SCN11A: variants seen among roughly 807,000 people sequenced by gnomAD.
SCN11A encodes the protein sodium channel protein type 11 subunit alpha.
Under a neutral mutation model 162.2 loss-of-function variants are expected in SCN11A, and 122 were observed. That is an observed-to-expected ratio of 0.75 (90% CI 0.65 to 0.87). SCN11A has a LOEUF of 0.87. Ranked by LOEUF, SCN11A falls within the 40% of genes least tolerant of loss-of-function variation. SCN11A has a pLI of 0.00. For missense variants in SCN11A, 2,015 were observed against 2,181.6 expected (o/e 0.92, Z 1.52); for synonymous variants, 758 against 751.5 (o/e 1.01, Z -0.14).
In SCN11A at chr3:38,847,057, G is replaced by C; in HGVS notation, c.5013C>G (p.Asp1671Glu). 6.2e-7 allele frequency: 1 copy of C among 1,614,120 alleles called. No homozygotes were observed. Among genetic ancestry groups the C allele is most frequent in the African/African-American group, 1.3e-5 (1 of 75,020 alleles). The change falls in exon 30 of 30, where the codon GAC becomes GAG. Residue 1671 changes from aspartate to glutamate, a missense_variant. Physicochemically the swap from Asp to Glu is conservative, Grantham distance 45. Transcript: ENST00000302328. Reference sequence around the variant, plus strand: ...GGCGATCTTCACTCACCATGGGCAAGTCCATTACTAGAAATTGATATTTAT... The same window carrying C: ...GGCGATCTTCACTCACCATGGGCAACTCCATTACTAGAAATTGATATTTAT... ...KPNKYQFLVM[D>E]LPMVSEDRLH... is the part of the protein sequence containing the mutation.
chr3:38,919,101 A>C (rs2125546417), intron 11 of SCN11A, among the ~76,000 whole-genome samples: 1 of 152,344 alleles, frequency 6.6e-6, no homozygotes, highest in South Asian at 2.1e-4. Context: ...AAGGCACTGT[A>C]AAAATATAGT....
At chr3:38,924,158 A>G (rs753638468) in intron 9 of SCN11A, among the ~76,000 whole-genome samples, 4 of 151,276 alleles carry the variant, frequency 2.6e-5, no homozygotes, top group East Asian at 1.9e-4. Flanking sequence ...TCCATTCTCC[A>G]CACAACAGCT....
intron 7 of SCN11A, among the ~76,000 whole-genome samples, chr3:38,944,326 A>C (rs1028683199): frequency 6.6e-6 from 1 of 151,864 alleles, no homozygotes; most frequent in Admixed American, 6.6e-5. Context: ...TTTTATCTAG[A>C]AAATCCATTT....
intron 1 of SCN11A, among the ~76,000 whole-genome samples, chr3:39,043,483 C>CAAAA (rs34032181): frequency 9.5e-6 from 1 of 105,298 alleles, no homozygotes. Flanking sequence ...ACTATACAGC[C>CAAAA]AAAAAAAAAA....
chr3:38,955,146 G>A lies in SCN11A; in HGVS notation c.-138-1387C>T, dbSNP rs2066666500. 3.9e-5 allele frequency among the ~76,000 whole-genome samples: 6 copies of A among 152,176 alleles called. 1 individual carries two copies. The South Asian group carries it at 1.2e-3, about 32-fold the overall frequency. On this transcript the variant is annotated intron_variant, in intron 3 of 29. Coordinates refer to ENST00000302328, the MANE Select transcript of SCN11A (RefSeq NM_001349253.2). ...TCTACTAAAAATGAAAAATTAGCTA[G>A]GTGTGGTGGCGTGTGCCTGTAATCC...
intron 7 of SCN11A, among the ~76,000 whole-genome samples, chr3:38,932,369 G>A (rs2066254777): frequency 6.6e-6 from 1 of 152,208 alleles, no homozygotes; most frequent in African/African-American, 2.4e-5. Context: ...GACAGTGGAT[G>A]CAGGACAGTG....
intron 1 of SCN11A, among the ~76,000 whole-genome samples, chr3:39,043,182 ATGT>A (rs1378446827): frequency 6.6e-6 from 1 of 152,128 alleles, no homozygotes; most frequent in African/African-American, 2.4e-5. Flanking sequence ...GTTGGCGAGG[ATGT>A]GGAGAAAGGA....
At position 39,032,375 on chromosome 3, in the gene SCN11A, C is replaced by G. The variant is rs1169296135; in HGVS notation, c.-280+5G>C. On this transcript the variant is annotated splice_donor_5th_base_variant and intron_variant, in intron 2 of 29. Coordinates refer to ENST00000302328, the MANE Select transcript of SCN11A (RefSeq NM_001349253.2). ...TGAACAAACAAAAAATATGAAAACA[C>G]TCACCGCTCCCCTCTGGTAAACAAG... Among the ~76,000 whole-genome samples the G allele has an allele frequency of 1.3e-5, 2 of 152,018 alleles. No individual in the cohort carries two copies. Among genetic ancestry groups the G allele is most frequent in the Non-Finnish European group, 2.9e-5 (2 of 68,008 alleles).
At chr3:38,875,941 C>T (rs984826082) in intron 23 of SCN11A, among the ~76,000 whole-genome samples, 2 of 152,086 alleles carry the variant, frequency 1.3e-5, no homozygotes, top group Admixed American at 6.6e-5. Context: ...GGAGACATCA[C>T]ATTTTCAGAC....
chr3:38,881,256 G>A (rs1310000679), intron 22 of SCN11A, among the ~76,000 whole-genome samples: 1 of 152,124 alleles, frequency 6.6e-6, no homozygotes, highest in Non-Finnish European at 1.5e-5. Context: ...TCCCTGAGTA[G>A]ACCACTTAAT....
At chr3:38,930,303 A>G (rs1330180524) in intron 7 of SCN11A, among the ~76,000 whole-genome samples, 2 of 152,234 alleles carry the variant, frequency 1.3e-5, no homozygotes, top group African/African-American at 2.4e-5. Flanking sequence ...TGAGGCTGCT[A>G]CAGGCAAGAG....
At chr3:38,991,141 TA>T (rs1169908505) in intron 2 of SCN11A, among the ~76,000 whole-genome samples, 3 of 152,238 alleles carry the variant, frequency 2.0e-5, no homozygotes, top group Admixed American at 1.3e-4. Flanking sequence ...TTATACTTTC[TA>T]AAAGTTAGAA....
At chr3:38,887,475 T>C (rs1324349397) in intron 19 of SCN11A, among the ~76,000 whole-genome samples, 2 of 147,630 alleles carry the variant, frequency 1.4e-5, no homozygotes, top group Non-Finnish European at 3.0e-5. Flanking sequence ...TTAGGAGATA[T>C]ACCTAATGCT....
At chr3:38,852,586 C>T (rs1161146815) in intron 28 of SCN11A, among the ~76,000 whole-genome samples, 1 of 152,142 alleles carries the variant, frequency 6.6e-6, no homozygotes, top group South Asian at 2.1e-4. Flanking sequence ...ATGAAGCCAC[C>T]CTGTGAAGAT....
intron 2 of SCN11A, among the ~76,000 whole-genome samples, chr3:39,006,787 G>A (rs572776244): frequency 6.6e-6 from 1 of 152,202 alleles, no homozygotes; most frequent in South Asian, 2.1e-4. Context: ...GGGTGACAGA[G>A]TGAGACCCTG....
At chr3:38,981,579 C>T (rs1302841601) in intron 2 of SCN11A, among the ~76,000 whole-genome samples, 1 of 146,720 alleles carries the variant, frequency 6.8e-6, no homozygotes, top group African/African-American at 2.6e-5. Context: ...ATTCCTCATC[C>T]GTGGTCTCAG....
intron 11 of SCN11A, among the ~76,000 whole-genome samples, chr3:38,911,380 C>T (rs1005232473): frequency 6.6e-6 from 1 of 152,148 alleles, no homozygotes; most frequent in African/African-American, 2.4e-5. Context: ...ATTAAGAATT[C>T]TTATGCCAGT....
At chr3:38,934,938 C>T (rs1178680884) in intron 7 of SCN11A, among the ~76,000 whole-genome samples, 44 of 151,230 alleles carry the variant, frequency 2.9e-4, no homozygotes, top group Admixed American at 1.4e-3. Flanking sequence ...TTTTTCAGCA[C>T]CACACCACAC....
chr3:39,029,840 TG>T (rs2031700241), intron 2 of SCN11A, among the ~76,000 whole-genome samples: 1 of 152,246 alleles, frequency 6.6e-6, no homozygotes, highest in South Asian at 2.1e-4. Flanking sequence ...ACCCTAATTT[TG>T]AATGCAGTTT....
Sources: gnomAD v4.1 joint callset for allele counts (sites outside exome capture counted in the v4.1 genomes callset) on GRCh38, gnomAD v4.1.1 for gene constraint, MANE v1.5 for transcripts, NCBI Gene and HGNC (gene_info 2026-07-23, HGNC 2026-07-21) for gene names.